WIPF3: variants seen among roughly 807,000 people sequenced by gnomAD.
WIPF3 encodes the protein WAS/WASL interacting protein family member 3.
In WIPF3, 33 loss-of-function variants were observed where a neutral mutation model predicts 38.9. The observed-to-expected ratio is 0.85, with a 90% CI of 0.64 to 1.14. The LOEUF (loss-of-function observed/expected upper bound fraction) is 1.14. WIPF3 is among the 50% of genes most tolerant of loss of function. The pLI is 0.00. For synonymous variants in WIPF3, 324 were observed against 269.3 expected (o/e 1.20, Z -1.99); for missense variants, 711 against 652.5 (o/e 1.09, Z -0.98).
chr7:29,851,556 C>T (rs776100197), intron 2 of WIPF3, among the ~76,000 whole-genome samples: 4 of 152,138 alleles, frequency 2.6e-5, no homozygotes, highest in Non-Finnish European at 4.4e-5. Context: ...ACAAAATTTC[C>T]GTGACTGACA....
intron 1 of WIPF3, among the ~76,000 whole-genome samples, chr7:29,827,034 A>G (rs143457179): frequency 3.9e-5 from 6 of 152,248 alleles, no homozygotes; most frequent in East Asian, 1.9e-4. Flanking sequence ...GGGCTAATAT[A>G]TGAAACACTC....
intron 7 of WIPF3, among the ~76,000 whole-genome samples, chr7:29,893,767 C>T (rs562387865): frequency 2.0e-5 from 3 of 152,258 alleles, no homozygotes; most frequent in East Asian, 3.9e-4. Flanking sequence ...ATTCAGGCTC[C>T]TTTCCTTCCC....
Position 29,813,338 on chromosome 7 carries a change from C to G in WIPF3, c.-58+6660C>G, listed in dbSNP as rs1489649624. ...ACACAGATGTCTAACAACATCTTTC[C>G]TCTCTTTAAAAACCTACAAAATAAG... On this transcript the variant is annotated intron_variant, in intron 1 of 8. Transcript: ENST00000242140. Among the ~76,000 whole-genome samples the G allele has an allele frequency of 3.9e-5, 6 of 152,146 alleles. No individual in the cohort carries two copies. In the East Asian group the frequency reaches 1.2e-3, roughly 29 times the overall value.
chr7:29,832,843 T>C (rs555364189), intron 1 of WIPF3, among the ~76,000 whole-genome samples: 2 of 152,290 alleles, frequency 1.3e-5, no homozygotes, highest in South Asian at 4.1e-4. Context: ...CTGAAAAGAA[T>C]GAAAAGCAAG....
intron 2 of WIPF3, among the ~76,000 whole-genome samples, chr7:29,859,847 C>T (rs116360836): frequency 0.012 from 1,903 of 152,258 alleles, 41 homozygotes; most frequent in African/African-American, 0.044. Flanking sequence ...CTCAGATTAA[C>T]TTAGGGCTCC....
intron 1 of WIPF3, among the ~76,000 whole-genome samples, chr7:29,829,730 G>C (rs1784685716): frequency 6.6e-6 from 1 of 152,228 alleles, no homozygotes; most frequent in Non-Finnish European, 1.5e-5. Flanking sequence ...GCCAGGAAAA[G>C]GGAAAGGTGG....
chr7:29,836,069 C>G (rs1784795035), intron 2 of WIPF3, among the ~76,000 whole-genome samples: 1 of 152,200 alleles, frequency 6.6e-6, no homozygotes. Flanking sequence ...GAACTTGGCT[C>G]TTGCCCTGCA....
intron 7 of WIPF3, among the ~76,000 whole-genome samples, chr7:29,889,740 A>G (rs1249833172): frequency 6.6e-6 from 1 of 152,210 alleles, no homozygotes; most frequent in Non-Finnish European, 1.5e-5. Context: ...GATATTTTGC[A>G]TCAATCACTG....
At chr7:29,815,250 G>A (rs748243279) in intron 1 of WIPF3, among the ~76,000 whole-genome samples, 1 of 152,096 alleles carries the variant, frequency 6.6e-6, no homozygotes, top group Non-Finnish European at 1.5e-5. Flanking sequence ...AAAAAAAACA[G>A]TAAGACAAGA....
intron 7 of WIPF3, among the ~76,000 whole-genome samples, chr7:29,895,483 GA>G (rs1281688146): frequency 2.0e-5 from 3 of 152,204 alleles, no homozygotes; most frequent in Non-Finnish European, 4.4e-5. Context: ...GATTCAACAA[GA>G]AATAGGATGG....
At position 29,872,141 on chromosome 7, in the gene WIPF3, C is replaced by T. The variant is rs565703710; in HGVS notation, c.91-3689C>T. On this transcript the variant is annotated intron_variant, in intron 2 of 8. Coordinates refer to ENST00000242140, the MANE Select transcript of WIPF3 (RefSeq NM_001080529.3). Reference sequence around the variant, plus strand: ...AGTGTCCAGGAATGGCTTTCTCTCCCTTGACTGTCTTTTTAGTGACGTTGC... The same window carrying T: ...AGTGTCCAGGAATGGCTTTCTCTCCTTTGACTGTCTTTTTAGTGACGTTGC... Among the ~76,000 whole-genome samples the T allele has an allele frequency of 2.6e-5, 4 of 152,316 alleles. No homozygotes were observed. The East Asian group carries it at 7.7e-4, about 29-fold the overall frequency.
chr7:29,903,976 TGGTATTGC>T (rs1786340114), intron 7 of WIPF3, among the ~76,000 whole-genome samples: 1 of 152,202 alleles, frequency 6.6e-6, no homozygotes, highest in Non-Finnish European at 1.5e-5. Flanking sequence ...TAGCCAGCCC[TGGTATTGC>T]TGGGCACATT....
chr7:29,833,040 A>T (rs1192631073), intron 1 of WIPF3, among the ~76,000 whole-genome samples: 1 of 152,232 alleles, frequency 6.6e-6, no homozygotes, highest in Non-Finnish European at 1.5e-5. Flanking sequence ...TGAAAACATT[A>T]TGCTAAATGA....
intron 1 of WIPF3, among the ~76,000 whole-genome samples, chr7:29,808,384 T>C (rs576650105): frequency 6.6e-6 from 1 of 152,348 alleles, no homozygotes; most frequent in African/African-American, 2.4e-5. Context: ...TCGCAGCAAT[T>C]CTTTAACAGA....
chr7:29,865,138 T>C (rs1458522106), intron 2 of WIPF3, among the ~76,000 whole-genome samples: 2 of 152,266 alleles, frequency 1.3e-5, no homozygotes, highest in East Asian at 3.9e-4. Context: ...AATTGAGGCT[T>C]CAAAAGTCAA....
chr7:29,846,663 A>T (rs1032681674), intron 2 of WIPF3, among the ~76,000 whole-genome samples: 1 of 152,174 alleles, frequency 6.6e-6, no homozygotes, highest in Non-Finnish European at 1.5e-5. Context: ...ATCACACCAC[A>T]TTGTACTCCA....
chr7:29,814,848 A>G (rs1283789194), intron 1 of WIPF3, among the ~76,000 whole-genome samples: 2 of 152,192 alleles, frequency 1.3e-5, no homozygotes, highest in South Asian at 2.1e-4. Context: ...AACACCAACC[A>G]TGACTGCCCA....
intron 2 of WIPF3, among the ~76,000 whole-genome samples, chr7:29,873,241 GT>G (rs1159167410): frequency 2.0e-5 from 3 of 152,152 alleles, no homozygotes; most frequent in African/African-American, 7.2e-5. Flanking sequence ...CATCATTCCA[GT>G]TGCTTTTTTA....
At chr7:29,909,705 A>T (rs1786467322) in intron 8 of WIPF3, among the ~76,000 whole-genome samples, 1 of 152,050 alleles carries the variant, frequency 6.6e-6, no homozygotes, top group Non-Finnish European at 1.5e-5. Flanking sequence ...GAGCCAGCCT[A>T]GACAACATAG....
Sources: gnomAD v4.1 joint callset for allele counts (sites outside exome capture counted in the v4.1 genomes callset) on GRCh38, gnomAD v4.1.1 for gene constraint, MANE v1.5 for transcripts, NCBI Gene and HGNC (gene_info 2026-07-23, HGNC 2026-07-21) for gene names.